MAP3K19: variants seen among roughly 807,000 people sequenced by gnomAD.
MAP3K19 encodes the protein SPS1/STE20-related protein kinase YSK4.
MAP3K19 carries 91 observed loss-of-function variants against 114.4 expected under a neutral mutation model. The ratio of observed to expected loss-of-function variants is 0.80; its 90% CI spans 0.67 to 0.95. The LOEUF (loss-of-function observed/expected upper bound fraction) is 0.95. MAP3K19 is among the 40% of genes least tolerant of loss of function. The probability of loss-of-function intolerance (pLI) is 0.00; values close to 1 mark genes in which losing one functional copy is unlikely to be tolerated. For missense variants in MAP3K19, 1,471 were observed against 1,573.2 expected (o/e 0.94, Z 1.10); for synonymous variants, 518 against 530.5 (o/e 0.98, Z 0.32).
At chr2:134,977,005 C>A (rs955881032) in intron 12 of MAP3K19, among the ~76,000 whole-genome samples, 3 of 149,540 alleles carry the variant, frequency 2.0e-5, no homozygotes, top group Admixed American at 6.7e-5. Flanking sequence ...AAGGTCACAC[C>A]ACCGCATTCC....
rs1435094691 is a variant in MAP3K19, at chr2:134,991,533, T to C, written c.618+4A>G. On this transcript the variant is annotated splice_donor_region_variant and intron_variant, in intron 9 of 12. Transcript: ENST00000392915. Reference sequence around the variant, plus strand: ...CAAGTCAAAAATGCTAGCACTAATCTTACCTTGATGCTTCGGCCACTGTAC... The same window carrying C: ...CAAGTCAAAAATGCTAGCACTAATCCTACCTTGATGCTTCGGCCACTGTAC... 1 of 1,612,800 alleles carries C rather than the reference T, an allele frequency of 6.2e-7. No homozygotes were observed. The highest frequency in any genetic ancestry group is 1.3e-5 in the African/African-American group (1 of 74,876).
rs759939355 is a variant in MAP3K19 at position 134,998,866 on chromosome 2, G to T, written c.446C>A (p.Ser149Tyr). 1 of 1,614,038 alleles carries T rather than the reference G, an allele frequency of 6.2e-7. No individual in the cohort carries two copies. The highest frequency in any genetic ancestry group is 1.3e-5 in the African/African-American group (1 of 74,908). Residue 149 changes from serine (S) to tyrosine (Y), a missense_variant, in exon 8 of 13, where the codon TCC becomes TAC. By Grantham distance (144) the Ser-to-Tyr change is moderately radical. Coordinates refer to ENST00000392915, the MANE Select transcript of MAP3K19 (RefSeq NM_025052.5). ...RPLVLQKEES[S>Y]RELCNVNLGF... ...CAAGTTCACATTGCAGAGCTCCCTGGAACTTTCCTCTTTTTGCAAAACTAA... is the reference window on the plus strand; with the variant it reads ...CAAGTTCACATTGCAGAGCTCCCTGTAACTTTCCTCTTTTTGCAAAACTAA...
chr2:134,967,062 T>G (rs947136740), intron 12 of MAP3K19, among the ~76,000 whole-genome samples: 7 of 152,154 alleles, frequency 4.6e-5, no homozygotes, highest in African/African-American at 1.7e-4. Context: ...TGACCCAACC[T>G]GAAGCTCACA....
At chr2:134,975,276 C>A (rs1046948046) in intron 12 of MAP3K19, among the ~76,000 whole-genome samples, 2 of 152,062 alleles carry the variant, frequency 1.3e-5, no homozygotes, top group African/African-American at 4.8e-5. Context: ...TGGGCAATGG[C>A]AATAGTGGTA....
intron 2 of MAP3K19, among the ~76,000 whole-genome samples, chr2:135,037,990 C>T (rs879860558): frequency 3.3e-5 from 5 of 152,036 alleles, no homozygotes; most frequent in Admixed American, 1.3e-4. Context: ...TCATTAGCTG[C>T]GAGTAGGGTA....
rs1208422145 is a variant in MAP3K19 at position 134,991,725 on chromosome 2, A to G, written c.575-145T>C. 4 of 676,664 alleles carry G rather than the reference A, an allele frequency of 5.9e-6. No individual in the cohort carries two copies. The East Asian group carries it at 8.2e-5, about 14-fold the overall frequency. 41.9% of individuals were successfully genotyped at this position (676,664 alleles called of 1,614,324 possible). ...TGGAGGTTTCCCCTGTGGAATTCACACAGAGGTGGAATCATCACACAAAAC... is the reference window on the plus strand; with the variant it reads ...TGGAGGTTTCCCCTGTGGAATTCACGCAGAGGTGGAATCATCACACAAAAC... On this transcript the variant is annotated intron_variant, in intron 8 of 12. Transcript: ENST00000392915.
rs763843096 is a variant in MAP3K19, at chr2:134,988,208, G to T, written c.664C>A (p.Leu222Ile). The T allele has an allele frequency of 5.0e-6, 8 of 1,606,192 alleles. No homozygotes were observed. The African/African-American group carries it at 1.1e-4, about 22-fold the overall frequency. ...LSLLPTRSGV[L>I]TIPQNHKFPK... ...AACTTGTGATTTTGGGGGATAGTAA[G>T]GACACCAGATCGCGTGGGCAAGAGT... The change falls in exon 10 of 13, where the codon CTT becomes ATT. Residue 222 changes from leucine (L) to isoleucine (I), a missense_variant. Physicochemically the swap from Leu to Ile is conservative, Grantham distance 5. Coordinates refer to ENST00000392915, the MANE Select transcript of MAP3K19 (RefSeq NM_025052.5).
At chr2:135,028,278 G>A (rs887892168) in intron 3 of MAP3K19, among the ~76,000 whole-genome samples, 3 of 152,064 alleles carry the variant, frequency 2.0e-5, no homozygotes, top group African/African-American at 4.8e-5. Flanking sequence ...CAGCTCAGCC[G>A]GGCATGGTGG....
chr2:134,994,851 A>G lies in MAP3K19; in HGVS notation c.575-3271T>C, dbSNP rs116192044. Among the ~76,000 whole-genome samples the G allele has an allele frequency of 2.2e-3, 340 of 152,320 alleles. 1 individual carries two copies. Among genetic ancestry groups the G allele is most frequent in the African/African-American group, 7.7e-3 (320 of 41,580 alleles). On this transcript the variant is annotated intron_variant, in intron 8 of 12. Coordinates refer to ENST00000392915, the MANE Select transcript of MAP3K19 (RefSeq NM_025052.5). ...TATGTGAGGATATGTGATTCAACTG[A>G]TATGTGAGGAAATGCTCCAATATGA...
At chr2:134,968,768 C>T (rs1053625056) in intron 12 of MAP3K19, among the ~76,000 whole-genome samples, 4 of 151,458 alleles carry the variant, frequency 2.6e-5, no homozygotes, top group East Asian at 2.0e-4. Flanking sequence ...CGGGCAGAGA[C>T]GCTCCTCACC....
In MAP3K19 at chr2:134,980,806, C is replaced by G. The variant is rs1684577922; in HGVS notation, c.3920+15G>C. ...CCGGGCATTTATCTTCCTCCTCTTG[C>G]TTTCAGTTTCTTACCTGGTCAGGCA... is the stretch of plus-strand genomic sequence containing the variant. On this transcript the variant is annotated intron_variant, in intron 12 of 12. Coordinates refer to ENST00000392915, the MANE Select transcript of MAP3K19 (RefSeq NM_025052.5). 6.2e-7 allele frequency: 1 copy of G among 1,600,386 alleles called. No homozygotes were observed. The highest frequency in any genetic ancestry group is 1.1e-5 in the South Asian group (1 of 90,708).
intron 12 of MAP3K19, among the ~76,000 whole-genome samples, chr2:134,975,123 T>C (rs181531916): frequency 3.3e-5 from 5 of 152,296 alleles, no homozygotes; most frequent in Admixed American, 2.0e-4. Context: ...CTTGGGCCCC[T>C]GGGTGACATA....
chr2:134,983,571 G>A (rs1684860066), intron 11 of MAP3K19, 105 bp downstream of exon 11: 2 of 771,434 alleles, frequency 2.6e-6, no homozygotes, highest in Admixed American at 3.0e-5. Flanking sequence ...GTAAAAGAGT[G>A]CTTGCCAGAG....
chr2:134,983,725 G>T lies in MAP3K19; in HGVS notation c.3173C>A (p.Pro1058His). 1.3e-6 allele frequency: 2 copies of T among 1,599,784 alleles called. No homozygotes were observed. The highest frequency in any genetic ancestry group is 1.1e-5 in the South Asian group (1 of 88,192). Residue 1058 changes from proline (P) to histidine (H), a missense_variant, in exon 11 of 13, where the codon CCT becomes CAT. Transcript: ENST00000392915. The part of the protein sequence containing the change: ...FSENSLKSEE[P>H]ILWTKGEILG... ...AATCTCACCCTTGGTCCATAGGATA[G>T]GTTCTTCAGACTTTAAACTATTTTC...
intron 12 of MAP3K19, among the ~76,000 whole-genome samples, chr2:134,978,516 A>C (rs926624629): frequency 1.2e-4 from 19 of 152,100 alleles, no homozygotes; most frequent in African/African-American, 4.1e-4. Context: ...AATTATTTTT[A>C]AATGTGTCCT....
chr2:134,964,764 G>C lies in MAP3K19; in HGVS notation c.*86C>G, dbSNP rs1236634494. On this transcript the variant is annotated 3_prime_UTR_variant, in exon 13 of 13. Transcript: ENST00000392915. Reference sequence around the variant, plus strand: ...TGGGTTAGACTGAATTTTCAGTGGGGAAACAAAGATCCCTTAGCCATCATT... The same window carrying C: ...TGGGTTAGACTGAATTTTCAGTGGGCAAACAAAGATCCCTTAGCCATCATT... 9.1e-7 allele frequency: 1 copy of C among 1,102,206 alleles called. No homozygotes were observed. The highest frequency in any genetic ancestry group is 1.5e-5 in the African/African-American group (1 of 64,832). The allele number at this position is 1,102,206 out of a possible 1,614,324, so 68.3% of individuals were successfully genotyped here. A position where few individuals can be genotyped will look rare whatever the true frequency, so the allele number is the denominator to read the frequency against.
chr2:135,042,954 G>A (rs62168943), intron 1 of MAP3K19, among the ~76,000 whole-genome samples: 6,351 of 151,868 alleles, frequency 0.042, 158 homozygotes, highest in African/African-American at 0.055. Context: ...GTGGTGGCGC[G>A]CACCTGTAAT....
intron 5 of MAP3K19, among the ~76,000 whole-genome samples, chr2:135,011,365 G>A (rs763830680): frequency 2.0e-5 from 3 of 151,596 alleles, no homozygotes; most frequent in African/African-American, 7.3e-5. Flanking sequence ...GAGAAACCCC[G>A]TCTCTACTAA....
chr2:134,984,189 C>A (rs1684923498), intron 10 of MAP3K19, among the ~76,000 whole-genome samples: 1 of 152,130 alleles, frequency 6.6e-6, no homozygotes. Context: ...ATCTCCTCAG[C>A]CCCCTAACCT....
Sources: allele counts gnomAD v4.1 joint callset (sites outside exome capture counted in the v4.1 genomes callset), GRCh38; gene constraint gnomAD v4.1.1; transcripts MANE v1.5; gene names NCBI Gene and HGNC (gene_info 2026-07-23, HGNC 2026-07-21).